The following KCND2 variants were observed in gnomAD, a reference collection of about 807,000 sequenced individuals.
KCND2 encodes A-type voltage-gated potassium channel KCND2.
Under a neutral mutation model 54.4 loss-of-function variants are expected in KCND2, and 16 were observed. The observed-to-expected ratio is 0.29, with a 90% confidence interval of 0.20 to 0.45. KCND2 has a LOEUF of 0.45. Ranked by LOEUF, KCND2 falls within the 20% of genes least tolerant of loss-of-function variation. The probability of loss-of-function intolerance (pLI) is 1.00; values close to 1 mark genes in which losing one functional copy is unlikely to be tolerated. For missense variants in KCND2, 486 were observed against 824.2 expected, an observed-to-expected ratio of 0.59 and a Z score of 5.02; for synonymous variants, 317 against 310.7, an observed-to-expected ratio of 1.02 and a Z score of -0.21.
chr7:120,445,123 T>C (rs1802001457), intron 1 of KCND2, among the ~76,000 whole-genome samples: 1 of 152,174 alleles, frequency 6.6e-6, no homozygotes, highest in African/African-American at 2.4e-5. Flanking sequence ...AGAAATGCAA[T>C]ATTCTTTCAT....
intron 1 of KCND2, among the ~76,000 whole-genome samples, chr7:120,574,801 A>G (rs974486489): frequency 1.3e-5 from 2 of 152,160 alleles, no homozygotes; most frequent in African/African-American, 4.8e-5. Context: ...CTTTTGCAAC[A>G]TCAACAAAAC....
At chr7:120,384,842 C>G (rs1800964936) in intron 1 of KCND2, among the ~76,000 whole-genome samples, 1 of 152,046 alleles carries the variant, frequency 6.6e-6, no homozygotes. Flanking sequence ...CAGCCATACA[C>G]AAGGAGAACT....
chr7:120,351,176 A>G (rs1204520600), intron 1 of KCND2, among the ~76,000 whole-genome samples: 1 of 149,082 alleles, frequency 6.7e-6, no homozygotes, highest in Non-Finnish European at 1.5e-5. Context: ...ACTTCATTTT[A>G]TATTGCAAAT....
intron 1 of KCND2, among the ~76,000 whole-genome samples, chr7:120,414,538 A>G (rs1022677375): frequency 2.6e-5 from 4 of 152,134 alleles, no homozygotes; most frequent in Non-Finnish European, 5.9e-5. Context: ...ACCTTGTATC[A>G]CATTTTGATC....
rs1325045382 is a variant in KCND2, at chr7:120,692,527, G to A, written c.1116-40376G>A. On this transcript the variant is annotated intron_variant, in intron 1 of 5. Coordinates refer to ENST00000331113, the MANE Select transcript of KCND2 (RefSeq NM_012281.3). ...CCAAATTCCTCAACCTTGGCAGACT[G>A]GGTGAATAAGAAAAAGAGGTTTCCC... 2.0e-5 allele frequency among the ~76,000 whole-genome samples: 3 copies of A among 152,074 alleles called. No homozygotes were observed. The East Asian group carries it at 5.8e-4, about 29-fold the overall frequency.
chr7:120,721,876 G>T (rs183725952), intron 1 of KCND2, among the ~76,000 whole-genome samples: 22 of 152,184 alleles, frequency 1.4e-4, no homozygotes, highest in Admixed American at 1.0e-3. Flanking sequence ...GGAGATAATT[G>T]AATTATGGGG....
rs1793465203 is a variant in KCND2 at position 120,648,148 on chromosome 7, AT to A, written c.1116-84751del. On this transcript the variant is annotated intron_variant, in intron 1 of 5. Coordinates refer to ENST00000331113, the MANE Select transcript of KCND2 (RefSeq NM_012281.3). ...TAAACTATCTGTTTTGTTCTTTAAT[AT>A]TTTGTCCCCACGGAGAGAGATGGAA... Among the ~76,000 whole-genome samples the A allele has an allele frequency of 1.2e-4, 19 of 152,312 alleles. No individual in the cohort carries two copies. The South Asian group carries it at 3.9e-3, about 32-fold the overall frequency.
intron 1 of KCND2, among the ~76,000 whole-genome samples, chr7:120,362,087 G>A (rs937167478): frequency 5.9e-5 from 9 of 152,104 alleles, no homozygotes; most frequent in African/African-American, 1.9e-4. Context: ...CTACCTGGGC[G>A]AGATTGCATC....
In KCND2 at chr7:120,617,982, G is replaced by A. The variant is rs542478699; in HGVS notation, c.1116-114921G>A. On this transcript the variant is annotated intron_variant, in intron 1 of 5. Transcript: ENST00000331113. ...ACTGAGTACACGTAAATACAAAGAT[G>A]GGAACAACAAACACCAGAGCCTACT... Among the ~76,000 whole-genome samples the A allele has an allele frequency of 3.3e-5, 5 of 152,124 alleles. No individual in the cohort carries two copies. In the South Asian group the frequency reaches 8.3e-4, roughly 25 times the overall value.
chr7:120,722,658 A>G (rs1350166644), intron 1 of KCND2, among the ~76,000 whole-genome samples: 1 of 152,320 alleles, frequency 6.6e-6, no homozygotes, highest in East Asian at 1.9e-4. Flanking sequence ...GTCAAAAATA[A>G]AATAGGTAAA....
chr7:120,579,072 TAC>T (rs1216911337), intron 1 of KCND2, among the ~76,000 whole-genome samples: 9 of 152,140 alleles, frequency 5.9e-5, no homozygotes, highest in South Asian at 2.1e-4. Flanking sequence ...TCCAAAAATA[TAC>T]AGAGTCCATA....
At chr7:120,584,521 A>G (rs987394273) in intron 1 of KCND2, among the ~76,000 whole-genome samples, 2 of 152,240 alleles carry the variant, frequency 1.3e-5, no homozygotes, top group African/African-American at 4.8e-5. Flanking sequence ...AAAAAAGTTG[A>G]ACAGGTTAGC....
intron 1 of KCND2, among the ~76,000 whole-genome samples, chr7:120,494,673 T>A (rs1257931969): frequency 6.6e-6 from 1 of 152,222 alleles, no homozygotes; most frequent in African/African-American, 2.4e-5. Context: ...TTTTGTAATC[T>A]GCTAAAGTAT....
chr7:120,638,243 G>A (rs948048887), intron 1 of KCND2, among the ~76,000 whole-genome samples: 4 of 151,992 alleles, frequency 2.6e-5, no homozygotes, highest in African/African-American at 9.7e-5. Context: ...CAAAATAATA[G>A]AGTTGTAAAA....
chr7:120,382,369 T>C (rs1163113019), intron 1 of KCND2, among the ~76,000 whole-genome samples: 1 of 151,916 alleles, frequency 6.6e-6, no homozygotes, highest in Non-Finnish European at 1.5e-5. Flanking sequence ...GCTAAGCTGC[T>C]AGAAGAGTAC....
intron 1 of KCND2, among the ~76,000 whole-genome samples, chr7:120,484,930 A>T (rs1802672073): frequency 6.6e-6 from 1 of 152,136 alleles, no homozygotes; most frequent in South Asian, 2.1e-4. Context: ...CCCAGGTTGG[A>T]GTGCAGTGGA....
intron 1 of KCND2, among the ~76,000 whole-genome samples, chr7:120,584,467 C>G (rs1014654651): frequency 1.8e-4 from 27 of 152,268 alleles, no homozygotes; most frequent in African/African-American, 6.0e-4. Context: ...ATTCACGCAG[C>G]TAAAATGGAT....
intron 1 of KCND2, among the ~76,000 whole-genome samples, chr7:120,435,186 A>G (rs1353797129): frequency 6.6e-6 from 1 of 151,646 alleles, no homozygotes; most frequent in South Asian, 2.1e-4. Flanking sequence ...TACTCATTGC[A>G]ACCACCACCT....
At chr7:120,295,975 G>T (rs1799508242) in intron 1 of KCND2, among the ~76,000 whole-genome samples, 1 of 151,962 alleles carries the variant, frequency 6.6e-6, no homozygotes, top group Non-Finnish European at 1.5e-5. Flanking sequence ...CAAACAATTG[G>T]ACTGGAGTCC....
Sources: allele counts gnomAD v4.1 joint callset (sites outside exome capture counted in the v4.1 genomes callset), GRCh38; gene constraint gnomAD v4.1.1; transcripts MANE v1.5; gene names NCBI Gene and HGNC (gene_info 2026-07-23, HGNC 2026-07-21).